RAB7A: variants seen among roughly 807,000 people sequenced by gnomAD.
RAB7A encodes the protein ras-related protein Rab-7a.
A neutral mutation model predicts 24.5 loss-of-function variants in RAB7A; 2 were observed. The ratio of observed to expected loss-of-function variants is 0.08; its 90% CI spans 0.03 to 0.26. The LOEUF (loss-of-function observed/expected upper bound fraction) is 0.26, where lower values mean the gene tolerates loss of function less well. Ranked by LOEUF, RAB7A falls within the 10% of genes least tolerant of loss-of-function variation. The pLI is 1.00. For missense variants in RAB7A, 118 were observed against 255.7 expected, an observed-to-expected ratio of 0.46 and a Z score of 3.67; for synonymous variants, 100 against 95.9, an observed-to-expected ratio of 1.04 and a Z score of -0.25.
At chr3:128,737,090 T>A (rs2070496706) in intron 1 of RAB7A, among the ~76,000 whole-genome samples, 1 of 152,062 alleles carries the variant, frequency 6.6e-6, no homozygotes, top group African/African-American at 2.4e-5. Context: ...CAGGCTGGAG[T>A]GCAGTGGCGC....
Position 128,813,583 on chromosome 3 carries a change from T to C in RAB7A, c.*161T>C. Reference sequence around the variant, plus strand: ...CAAACACAGTTACACCCCACATATCTCTCACACACACACACACACGCACAC... The same window carrying C: ...CAAACACAGTTACACCCCACATATCCCTCACACACACACACACACGCACAC... On this transcript the variant is annotated 3_prime_UTR_variant, in exon 6 of 6. Coordinates refer to ENST00000265062, the MANE Select transcript of RAB7A (RefSeq NM_004637.6). The C allele has an allele frequency of 1.5e-6, 1 of 681,252 alleles. No individual in the cohort carries two copies. The highest frequency in any genetic ancestry group is 1.5e-5 in the South Asian group (1 of 66,046). The allele number at this position is 681,252 out of a possible 1,614,324, so 42.2% of individuals were successfully genotyped here. A position where few individuals can be genotyped will look rare whatever the true frequency, so the allele number is the denominator to read the frequency against.
intron 1 of RAB7A, among the ~76,000 whole-genome samples, chr3:128,742,271 C>T (rs1343965656): frequency 2.0e-5 from 3 of 152,084 alleles, no homozygotes; most frequent in Non-Finnish European, 4.4e-5. Context: ...AAGCTGCAGA[C>T]CTTCTCAGTG....
chr3:128,749,252 A>G (rs1576275502), intron 1 of RAB7A: 1 of 152,322 alleles, frequency 6.6e-6, no homozygotes, highest in African/African-American at 2.4e-5. Context: ...TTCCAGGACT[A>G]AATATAATGT....
chr3:128,807,749 T>A, intron 5 of RAB7A, 78 bp downstream of exon 5: 1 of 1,596,772 alleles, frequency 6.3e-7, no homozygotes, highest in Non-Finnish European at 8.6e-7. Context: ...CTCCTGCCCT[T>A]AATCTTCTTC....
intron 1 of RAB7A, among the ~76,000 whole-genome samples, chr3:128,729,929 A>G (rs1292498855): frequency 6.6e-6 from 1 of 151,810 alleles, no homozygotes; most frequent in Non-Finnish European, 1.5e-5. Flanking sequence ...GGCGACTGAA[A>G]CTCGAGAAAT....
chr3:128,774,554 T>G (rs900342901), intron 1 of RAB7A, among the ~76,000 whole-genome samples: 1 of 151,600 alleles, frequency 6.6e-6, no homozygotes. Flanking sequence ...CTCTGCCTCC[T>G]GGGTTCAAGT....
chr3:128,750,388 A>T (rs1289701622), intron 1 of RAB7A, among the ~76,000 whole-genome samples: 1 of 152,056 alleles, frequency 6.6e-6, no homozygotes, highest in East Asian at 1.9e-4. Flanking sequence ...CAGCCTCCTG[A>T]GTAGCTGGGA....
chr3:128,758,207 T>A (rs2070745711), intron 1 of RAB7A, among the ~76,000 whole-genome samples: 1 of 151,962 alleles, frequency 6.6e-6, no homozygotes, highest in Non-Finnish European at 1.5e-5. Context: ...CAAATGATCT[T>A]CCTGCCCTAG....
At chr3:128,780,923 C>T (rs756708046) in intron 1 of RAB7A, among the ~76,000 whole-genome samples, 1 of 152,134 alleles carries the variant, frequency 6.6e-6, no homozygotes, top group Non-Finnish European at 1.5e-5. Context: ...CATTTTTGCC[C>T]TATGTAAAAA....
At chr3:128,780,533 G>A (rs1263985423) in intron 1 of RAB7A, among the ~76,000 whole-genome samples, 1 of 152,164 alleles carries the variant, frequency 6.6e-6, no homozygotes, top group Admixed American at 6.5e-5. Flanking sequence ...GTAAGAAAGT[G>A]TTTACAGTTT....
chr3:128,790,642 C>T (rs1243484648), intron 1 of RAB7A, among the ~76,000 whole-genome samples: 1 of 152,162 alleles, frequency 6.6e-6, no homozygotes, highest in East Asian at 1.9e-4. Context: ...AATTGTTCAT[C>T]TTTTTGCCAC....
At chr3:128,767,943 G>A (rs1239264623) in intron 1 of RAB7A, among the ~76,000 whole-genome samples, 1 of 152,006 alleles carries the variant, frequency 6.6e-6, no homozygotes, top group African/African-American at 2.4e-5. Context: ...TTTGAGTTTT[G>A]ACATACATAT....
rs766544504 is a variant in RAB7A, at chr3:128,807,680, C to T, written c.528+9C>T. 6.2e-7 allele frequency: 1 copy of T among 1,614,068 alleles called. No individual in the cohort carries two copies. The highest frequency in any genetic ancestry group is 8.5e-7 in the Non-Finnish European group (1 of 1,180,030). On this transcript the variant is annotated intron_variant, in intron 5 of 5. Transcript: ENST00000265062. ...GGAATGCACTTAAGCAGGTGGGTCT[C>T]CCACAGCTGACCAGCCCACTCTGGT...
chr3:128,804,999 A>G (rs1206343180), intron 3 of RAB7A, among the ~76,000 whole-genome samples: 6 of 152,266 alleles, frequency 3.9e-5, no homozygotes, highest in African/African-American at 1.2e-4. Flanking sequence ...GAGAATGTGG[A>G]GAGTATCACA....
intron 5 of RAB7A, among the ~76,000 whole-genome samples, chr3:128,810,685 C>T (rs1373832062): frequency 4.6e-5 from 7 of 152,330 alleles, no homozygotes; most frequent in Non-Finnish European, 1.0e-4. Context: ...CTCATTTAAC[C>T]TTCATTCCTT....
intron 1 of RAB7A, among the ~76,000 whole-genome samples, chr3:128,788,583 A>G (rs1933389230): frequency 6.6e-6 from 1 of 152,198 alleles, no homozygotes; most frequent in South Asian, 2.1e-4. Context: ...CCCCCCATGG[A>G]TAAGTGGGTA....
intron 3 of RAB7A, among the ~76,000 whole-genome samples, chr3:128,803,383 A>G (rs1933738065): frequency 6.6e-6 from 1 of 152,100 alleles, no homozygotes. Flanking sequence ...ATAATGCCTA[A>G]TAGTATCCAA....
chr3:128,741,355 A>AC lies in RAB7A; in HGVS notation c.-9+15001dup, dbSNP rs557709900. Among the ~76,000 whole-genome samples, 136 of 152,060 alleles carry AC rather than the reference A, an allele frequency of 8.9e-4. 1 individual carries two copies. The highest frequency in any genetic ancestry group is 3.1e-3 in the African/African-American group (129 of 41,494). ...TTCATATTATGCTTAGGCCTTTCCC[A>AC]CCCCCAGGACAATAAAAACAATGTT... On this transcript the variant is annotated intron_variant, in intron 1 of 5. Coordinates refer to ENST00000265062, the MANE Select transcript of RAB7A (RefSeq NM_004637.6).
chr3:128,774,663 C>T (rs898298222), intron 1 of RAB7A, among the ~76,000 whole-genome samples: 3 of 152,192 alleles, frequency 2.0e-5, no homozygotes, highest in Non-Finnish European at 4.4e-5. Context: ...AAGCTCCGCT[C>T]CCGGGTTCAC....
Sources: gnomAD v4.1 joint callset for allele counts (sites outside exome capture counted in the v4.1 genomes callset) on GRCh38, gnomAD v4.1.1 for gene constraint, MANE v1.5 for transcripts, NCBI Gene and HGNC (gene_info 2026-07-23, HGNC 2026-07-21) for gene names.